The following SHROOM3 variants were observed in gnomAD, a reference collection of about 807,000 sequenced individuals.
SHROOM3 encodes shroom family member 3.
In SHROOM3, 47 loss-of-function variants were observed where a neutral mutation model predicts 138.6. That is an observed-to-expected ratio of 0.34 (90% CI 0.27 to 0.43). SHROOM3 has a LOEUF of 0.43. Ranked by LOEUF, SHROOM3 falls within the 20% of genes least tolerant of loss-of-function variation. The probability of loss-of-function intolerance (pLI) is 1.00; values close to 1 mark genes in which losing one functional copy is unlikely to be tolerated. For missense variants in SHROOM3, 2,491 were observed against 2,596.5 expected, an observed-to-expected ratio of 0.96 and a Z score of 0.88; for synonymous variants, 1,062 against 1,063.3, an observed-to-expected ratio of 1.00 and a Z score of 0.02.
Position 76,783,229 on chromosome 4 carries a change from A to G in SHROOM3, c.*4052A>G, listed in dbSNP as rs1460986891. On this transcript the variant is annotated 3_prime_UTR_variant, in exon 11 of 11. Transcript: ENST00000296043. ...ACAGAAATTGAAGTTAAATTTAAAA[A>G]TAAAAATAACCTCAGAAGTTGAAAG... The G allele has an allele frequency of 6.6e-6, 1 of 152,254 alleles. No individual in the cohort carries two copies. The highest frequency in any genetic ancestry group is 1.5e-5 in the Non-Finnish European group (1 of 68,042). 9.4% of individuals were successfully genotyped at this position (152,254 alleles called of 1,614,324 possible).
intron 2 of SHROOM3, among the ~76,000 whole-genome samples, chr4:76,607,535 C>G (rs1373045849): frequency 6.6e-6 from 1 of 152,152 alleles, no homozygotes; most frequent in African/African-American, 2.4e-5. Context: ...CAAATAAAAA[C>G]TCATGTCTTC....
At chr4:76,603,921 C>A (rs1240416949) in intron 2 of SHROOM3, among the ~76,000 whole-genome samples, 2 of 147,406 alleles carry the variant, frequency 1.4e-5, no homozygotes, top group Non-Finnish European at 3.0e-5. Context: ...CAGCTCACTG[C>A]AACCTCTGCC....
chr4:76,515,204 A>G (rs13136327), intron 1 of SHROOM3, among the ~76,000 whole-genome samples: 147,026 of 147,108 alleles, frequency 1, 73,472 homozygotes, highest in Middle Eastern at 1. Context: ...GACAGAGCAA[A>G]ACTCTGTCTA....
chr4:76,520,451 T>C (rs1732539348), intron 1 of SHROOM3, among the ~76,000 whole-genome samples: 1 of 152,092 alleles, frequency 6.6e-6, no homozygotes, highest in African/African-American at 2.4e-5. Context: ...ACAAATCTCA[T>C]AAAAATCCTA....
chr4:76,678,712 G>T (rs914727597), intron 2 of SHROOM3, among the ~76,000 whole-genome samples: 8 of 152,136 alleles, frequency 5.3e-5, no homozygotes, highest in Admixed American at 2.0e-4. Context: ...TCAGGCTGGA[G>T]TGCAATGGCG....
chr4:76,484,680 G>C (rs1167182957), intron 1 of SHROOM3, among the ~76,000 whole-genome samples: 2 of 151,732 alleles, frequency 1.3e-5, no homozygotes, highest in East Asian at 3.9e-4. Context: ...TTAATACCAG[G>C]GATTTTACTT....
chr4:76,777,499 A>G (rs1028203795), intron 10 of SHROOM3, among the ~76,000 whole-genome samples: 2 of 152,148 alleles, frequency 1.3e-5, no homozygotes, highest in Non-Finnish European at 2.9e-5. Context: ...CTTTTTGGAT[A>G]GTCTTCAGGG....
chr4:76,655,165 A>G (rs1736039199), intron 2 of SHROOM3, among the ~76,000 whole-genome samples: 1 of 152,186 alleles, frequency 6.6e-6, no homozygotes, highest in African/African-American at 2.4e-5. Context: ...TGAGGGGAAA[A>G]ATAAATAGCT....
chr4:76,769,220 G>A (rs1272740460), intron 9 of SHROOM3, among the ~76,000 whole-genome samples: 1 of 150,820 alleles, frequency 6.6e-6, no homozygotes, highest in Admixed American at 6.6e-5. Flanking sequence ...GGGTGTGCAT[G>A]TGTGTGCATG....
chr4:76,667,501 G>A (rs1489788384), intron 2 of SHROOM3, among the ~76,000 whole-genome samples: 1 of 151,794 alleles, frequency 6.6e-6, no homozygotes, highest in Non-Finnish European at 1.5e-5. Context: ...ATTATTTTTT[G>A]TAGAAACAAG....
chr4:76,782,751 A>G lies in SHROOM3; in HGVS notation c.*3574A>G, dbSNP rs1469063319. 1 of 152,228 alleles carries G rather than the reference A, an allele frequency of 6.6e-6. No homozygotes were observed. Among genetic ancestry groups the G allele is most frequent in the African/African-American group, 2.4e-5 (1 of 41,458 alleles). The allele number at this position is 152,228 out of a possible 1,614,324, so 9.4% of individuals were successfully genotyped here. A position where few individuals can be genotyped will look rare whatever the true frequency, so the allele number is the denominator to read the frequency against. On this transcript the variant is annotated 3_prime_UTR_variant, in exon 11 of 11. Coordinates refer to ENST00000296043, the MANE Select transcript of SHROOM3 (RefSeq NM_020859.4). ...GCCAGAAATAACTTCATTTCCTACA[A>G]GGTATAAAAAGTGGTCAAGTGAATG...
intron 2 of SHROOM3, among the ~76,000 whole-genome samples, chr4:76,628,438 G>A (rs1376564152): frequency 6.6e-6 from 1 of 152,156 alleles, no homozygotes; most frequent in Non-Finnish European, 1.5e-5. Flanking sequence ...GATCAACCAA[G>A]AGGAAATGTG....
At chr4:76,453,344 C>A (rs1009669155) in intron 1 of SHROOM3, among the ~76,000 whole-genome samples, 2 of 151,592 alleles carry the variant, frequency 1.3e-5, no homozygotes, top group African/African-American at 2.4e-5. Context: ...TGTCACATGA[C>A]CATGGTTCAT....
intron 1 of SHROOM3, among the ~76,000 whole-genome samples, chr4:76,437,008 T>C (rs562133826): frequency 6.6e-6 from 1 of 152,222 alleles, no homozygotes; most frequent in African/African-American, 2.4e-5. Context: ...GAAACATTTG[T>C]AATTAAGGGA....
chr4:76,651,859 T>C (rs1177305251), intron 2 of SHROOM3, among the ~76,000 whole-genome samples: 1 of 152,114 alleles, frequency 6.6e-6, no homozygotes, highest in Non-Finnish European at 1.5e-5. Flanking sequence ...ATACAGCAAA[T>C]CGGGGTATTG....
At chr4:76,502,644 C>T (rs563587948) in intron 1 of SHROOM3, among the ~76,000 whole-genome samples, 1 of 152,208 alleles carries the variant, frequency 6.6e-6, no homozygotes, top group Admixed American at 6.5e-5. Context: ...TAGAGAGATT[C>T]GAAGAACCAT....
chr4:76,741,379 C>G lies in SHROOM3; in HGVS notation c.3206C>G (p.Ser1069Cys), dbSNP rs1269531497. The G allele has an allele frequency of 6.2e-7, 1 of 1,603,366 alleles. No individual in the cohort carries two copies. The highest frequency in any genetic ancestry group is 1.3e-5 in the African/African-American group (1 of 74,760). Reference sequence around the variant, plus strand: ...TTCGAGCGCGATGGCAAGGCCTGCTCCACGCTCAGCCTGTCGGGGCCCGAG... The same window carrying G: ...TTCGAGCGCGATGGCAAGGCCTGCTGCACGCTCAGCCTGTCGGGGCCCGAG... The part of the protein sequence containing the change: ...RLFERDGKAC[S>C]TLSLSGPELK... Residue 1069 changes from serine (S) to cysteine (C), a missense_variant, in exon 5 of 11, where the codon TCC becomes TGC. Coordinates refer to ENST00000296043, the MANE Select transcript of SHROOM3 (RefSeq NM_020859.4). This position sits in a 1 kb window ranked among gnomAD's most constrained non-coding sequence, Gnocchi z 6.2.
In SHROOM3 at chr4:76,689,658, G is replaced by A. The variant is rs953980137; in HGVS notation, c.324-20498G>A. Reference sequence around the variant, plus strand: ...AGTTTGAACTTGGCGTCGGCCTGGAGCCCCGAGCAGCCCGGGGGCGGCGGC... The same window carrying A: ...AGTTTGAACTTGGCGTCGGCCTGGAACCCCGAGCAGCCCGGGGGCGGCGGC... On this transcript the variant is annotated intron_variant, in intron 2 of 10. Coordinates refer to ENST00000296043, the MANE Select transcript of SHROOM3 (RefSeq NM_020859.4). The A allele has an allele frequency of 3.7e-5, 36 of 985,366 alleles. No homozygotes were observed. The African/African-American group carries it at 5.9e-4, about 16-fold the overall frequency. 61.0% of individuals were successfully genotyped at this position (985,366 alleles called of 1,614,324 possible). A position where few individuals can be genotyped will look rare whatever the true frequency, so the allele number is the denominator to read the frequency against.
intron 1 of SHROOM3, 45 bp from the exon 2 acceptor site, chr4:76,555,564 A>G (rs1733466406): frequency 6.2e-7 from 1 of 1,611,014 alleles, no homozygotes; most frequent in Non-Finnish European, 8.5e-7. Flanking sequence ...ACCCCAGGCC[A>G]GGGGAAAGCT....
Sources: allele counts gnomAD v4.1 joint callset (sites outside exome capture counted in the v4.1 genomes callset), GRCh38; gene constraint gnomAD v4.1.1; non-coding constraint Gnocchi (gnomAD v3.1); transcripts MANE v1.5; gene names NCBI Gene and HGNC (gene_info 2026-07-23, HGNC 2026-07-21).